KPNA7: variants seen among roughly 807,000 people sequenced by gnomAD.
KPNA7 encodes the protein importin subunit alpha-8.
KPNA7 carries 54 observed loss-of-function variants against 53.7 expected under a neutral mutation model. The observed-to-expected ratio is 1.01, with a 90% CI of 0.81 to 1.26. The LOEUF (loss-of-function observed/expected upper bound fraction) is 1.26, where lower values mean the gene tolerates loss of function less well. KPNA7 is among the 50% of genes most tolerant of loss of function. KPNA7 has a pLI of 0.00. For missense variants in KPNA7, 640 were observed against 644.5 expected (o/e 0.99, Z 0.07); for synonymous variants, 276 against 259.3 (o/e 1.06, Z -0.62).
rs150668638 is a variant in KPNA7 at position 99,191,674 on chromosome 7, G to C, written c.636+1345C>G. Among the ~76,000 whole-genome samples the C allele has an allele frequency of 3.9e-5, 6 of 152,130 alleles. No individual in the cohort carries two copies. The East Asian group carries it at 1.2e-3, about 29-fold the overall frequency. ...TCCCATCTTGAAGAGTTTTGAGACA[G>C]AGTCTTGCTCTGTTGCCCAGGCTGG... is the stretch of plus-strand genomic sequence containing the variant. On this transcript the variant is annotated intron_variant, in intron 6 of 10. Coordinates refer to ENST00000327442, the MANE Select transcript of KPNA7 (RefSeq NM_001145715.3).
At chr7:99,199,750 T>TA in intron 3 of KPNA7, among the ~76,000 whole-genome samples, 1 of 152,170 alleles carries the variant, frequency 6.6e-6, no homozygotes. Flanking sequence ...TCTTCAAAAT[T>TA]AAAAAATTTT....
intron 1 of KPNA7, among the ~76,000 whole-genome samples, chr7:99,218,005 A>G (rs1310314480): frequency 2.0e-5 from 3 of 151,638 alleles, no homozygotes; most frequent in Non-Finnish European, 4.4e-5. Context: ...TCCAGACTTC[A>G]GTTTCAATGC....
the KPNA7 span, among the ~76,000 whole-genome samples, chr7:99,149,831 G>A: frequency 6.6e-6 from 1 of 152,234 alleles, no homozygotes; most frequent in East Asian, 1.9e-4. Flanking sequence ...CTGACACCCA[G>A]GCTGGAGTAT....
chr7:99,163,383 A>ATATATATATATTTT, the KPNA7 span, among the ~76,000 whole-genome samples: 3 of 40,816 alleles, frequency 7.4e-5, no homozygotes, highest in African/African-American at 9.5e-5. Context: ...ATATATATAT[A>ATATATATATATTTT]TTTTTTTTTT....
chr7:99,180,811 GTCTGTGTCTCTCTCTCTCCCCGTCTGTC>G, intron 9 of KPNA7, among the ~76,000 whole-genome samples: 1 of 7,826 alleles, frequency 1.3e-4, no homozygotes. Context: ...CTCTCTCCCC[GTCTGTGTCTCTCTCTCTCCCCGTCTGTC>G]TCTCTCTCTC....
chr7:99,172,705 AAAG>A (rs1312197840), downstream of KPNA7, among the ~76,000 whole-genome samples: 1 of 152,114 alleles, frequency 6.6e-6, no homozygotes, highest in Non-Finnish European at 1.5e-5. Flanking sequence ...TTGCCAGAGG[AAAG>A]AAGGCCAGTA....
downstream of KPNA7, among the ~76,000 whole-genome samples, chr7:99,169,102 G>C (rs1798724843): frequency 1.3e-5 from 2 of 152,120 alleles, no homozygotes; most frequent in Non-Finnish European, 2.9e-5. Flanking sequence ...GTTGCAGTGA[G>C]CTGAGATCGC....
At chr7:99,149,339 C>T in the KPNA7 span, among the ~76,000 whole-genome samples, 2 of 152,284 alleles carry the variant, frequency 1.3e-5, no homozygotes, top group African/African-American at 4.8e-5. Context: ...CTATGACCCA[C>T]GGAGGCCCAC....
chr7:99,206,589 C>A (rs933073999), intron 2 of KPNA7, among the ~76,000 whole-genome samples: 4 of 152,186 alleles, frequency 2.6e-5, no homozygotes, highest in African/African-American at 9.7e-5. Context: ...CTGCCTCAGC[C>A]ACCAGAGTAT....
upstream of KPNA7, among the ~76,000 whole-genome samples, chr7:99,208,246 TTTTA>T (rs1241083719): frequency 6.6e-6 from 1 of 151,196 alleles, no homozygotes; most frequent in African/African-American, 2.4e-5. Context: ...ATGACTCACT[TTTTA>T]TTTATTTTAT....
upstream of KPNA7, among the ~76,000 whole-genome samples, chr7:99,210,897 T>C (rs1271351882): frequency 1.3e-5 from 2 of 152,076 alleles, no homozygotes; most frequent in Admixed American, 6.6e-5. Context: ...CAACTTTGAA[T>C]GTTCACAAGG....
At chr7:99,211,347 G>C (rs1006662721), upstream of KPNA7, among the ~76,000 whole-genome samples, 1 of 152,180 alleles carries the variant, frequency 6.6e-6, no homozygotes, top group Non-Finnish European at 1.5e-5. Flanking sequence ...GCTTGAATCT[G>C]GGAGGCAGAG....
chr7:99,187,799 TAAAAAAAAAAAAAAAAAA>T (rs55867906), intron 7 of KPNA7, among the ~76,000 whole-genome samples: 74 of 65,102 alleles, frequency 1.1e-3, no homozygotes, highest in Non-Finnish European at 1.4e-3. Flanking sequence ...CCTTTTTTTT[TAAAAAAAAAAAAAAAAAA>T]AAAAAAAAAA....
chr7:99,213,190 G>A (rs1303495483), intron 1 of KPNA7, among the ~76,000 whole-genome samples: 11 of 149,948 alleles, frequency 7.3e-5, no homozygotes, highest in African/African-American at 2.2e-4. Flanking sequence ...GCAGTGGGTC[G>A]ATCCCAGCTC....
the KPNA7 span, among the ~76,000 whole-genome samples, chr7:99,163,359 G>GTGTATGTATATA: frequency 1.5e-5 from 1 of 66,420 alleles, no homozygotes; most frequent in Non-Finnish European, 2.7e-5. Flanking sequence ...ATGAGTGTGT[G>GTGTATGTATATA]TATATATATA....
chr7:99,207,613 CTTTTTTTTTTTTTTTTTTTTTTTTTTTTT>C, intron 1 of KPNA7, 124 bp from the exon 2 acceptor site: 49 of 119,190 alleles, frequency 4.1e-4, no homozygotes, highest in Admixed American at 9.1e-4. Context: ...AGGAAGCTAG[CTTTTTTTTTTTTTTTTTTTTTTTTTTTTT>C]TTTTTTTTTT....
the KPNA7 span, among the ~76,000 whole-genome samples, chr7:99,168,513 ATTT>A: frequency 6.6e-6 from 1 of 150,926 alleles, no homozygotes; most frequent in Admixed American, 6.6e-5. Flanking sequence ...TTGTTTCCTT[ATTT>A]TTTCTTTTTT....
Position 99,207,417 on chromosome 7 carries a change from C to A in KPNA7, c.50G>T (p.Arg17Leu). The A allele has an allele frequency of 1.3e-6, 2 of 1,551,296 alleles. No individual in the cohort carries two copies. Among genetic ancestry groups the A allele is most frequent in the Non-Finnish European group, 8.7e-7 (1 of 1,146,882 alleles). The change falls in exon 2 of 11, where the codon CGA becomes CTA. Residue 17 changes from arginine to leucine, a missense_variant. Coordinates refer to ENST00000327442, the MANE Select transcript of KPNA7 (RefSeq NM_001145715.3). ...PEERRRKFKY[R>L]GKDVSLRRQQ... ...CATACTCACAGACACATCTTTGCCTCGGTACTTAAATTTTCTCCGCCTCTC... is the reference window on the plus strand; with the variant it reads ...CATACTCACAGACACATCTTTGCCTAGGTACTTAAATTTTCTCCGCCTCTC...
intron 8 of KPNA7, 46 bp from the exon 9 acceptor site, chr7:99,182,111 T>C (rs1330127631): frequency 1.4e-6 from 2 of 1,428,922 alleles, no homozygotes; most frequent in African/African-American, 1.4e-5. Flanking sequence ...CTCAAGAACC[T>C]AAATAGAGGA....
Sources: allele counts gnomAD v4.1 joint callset (sites outside exome capture counted in the v4.1 genomes callset), GRCh38; gene constraint gnomAD v4.1.1; transcripts MANE v1.5; gene names NCBI Gene and HGNC (gene_info 2026-07-23, HGNC 2026-07-21).